OSBPL3: variants seen among roughly 807,000 people sequenced by gnomAD.
The protein encoded by OSBPL3 is oxysterol binding protein like 3.
In OSBPL3, 65 loss-of-function variants were observed where a neutral mutation model predicts 120.1. The ratio of observed to expected loss-of-function variants is 0.54; its 90% CI spans 0.44 to 0.67. The LOEUF (loss-of-function observed/expected upper bound fraction) is 0.67. Ranked by LOEUF, OSBPL3 falls within the 30% of genes least tolerant of loss-of-function variation. OSBPL3 has a pLI of 0.00. For synonymous variants in OSBPL3, 416 were observed against 402.6 expected, an observed-to-expected ratio of 1.03 and a Z score of -0.40; for missense variants, 1,004 against 1,082.1, an observed-to-expected ratio of 0.93 and a Z score of 1.01.
intron 2 of OSBPL3, among the ~76,000 whole-genome samples, chr7:24,878,827 C>G (rs1041642629): frequency 6.6e-6 from 1 of 152,184 alleles, no homozygotes; most frequent in African/African-American, 2.4e-5. Flanking sequence ...GTTAAAAATG[C>G]AGATTTAAGT....
At chr7:24,902,185 T>C (rs1807122770) in intron 1 of OSBPL3, among the ~76,000 whole-genome samples, 1 of 152,230 alleles carries the variant, frequency 6.6e-6, no homozygotes, top group African/African-American at 2.4e-5. Flanking sequence ...TTGCTATAAG[T>C]TAGGTAGTGT....
At chr7:24,973,573 A>G (rs1260250660) in intron 1 of OSBPL3, among the ~76,000 whole-genome samples, 3 of 152,258 alleles carry the variant, frequency 2.0e-5, no homozygotes, top group Non-Finnish European at 2.9e-5. Flanking sequence ...TGAAGGAAAT[A>G]TATCACCAAC....
chr7:24,806,979 C>T lies in OSBPL3; in HGVS notation c.2318-77G>A. ...ATTTTAATTCCTTCACCTTTTTCGT[C>T]TCAGCCTAGCTACAATTTTTCTCTC... On this transcript the variant is annotated intron_variant, in intron 20 of 22. Transcript: ENST00000313367. The surrounding 1 kb of genome is among the most constrained non-coding windows in gnomAD (Gnocchi z 5.2). 2.3e-6 allele frequency: 3 copies of T among 1,320,382 alleles called. No individual in the cohort carries two copies. The highest frequency in any genetic ancestry group is 3.1e-6 in the Non-Finnish European group (3 of 966,938). The allele number at this position is 1,320,382 out of a possible 1,614,324, so 81.8% of individuals were successfully genotyped here. A position where few individuals can be genotyped will look rare whatever the true frequency, so the allele number is the denominator to read the frequency against.
In OSBPL3 at chr7:24,865,393, G is replaced by A. The variant is rs1488793281; in HGVS notation, c.622C>T (p.Arg208Ter). Reference protein sequence around the residue: ...NVSFSCGGETRVPLWLQSSED... With the variant: ...NVSFSCGGET ...GAAGACTGTAACCATAATGGAACTC[G>A]TGTCTCACCACCACAAGAAAATGAT... The change falls in exon 7 of 23, where the codon CGA becomes TGA. Residue 208 changes from arginine (R) to a stop codon, truncating the protein, a stop_gained. Transcript: ENST00000313367. LOFTEE classifies it high-confidence loss of function. 10 of 1,613,284 alleles carry A rather than the reference G, an allele frequency of 6.2e-6. No homozygotes were observed. Among genetic ancestry groups the A allele is most frequent in the South Asian group, 1.1e-5 (1 of 91,056 alleles).
intron 12 of OSBPL3, among the ~76,000 whole-genome samples, chr7:24,847,814 T>C (rs17150284): frequency 0.04 from 6,082 of 152,250 alleles, 333 homozygotes; most frequent in African/African-American, 0.12. Flanking sequence ...TTTTAGCCAA[T>C]GTGCAGACTC....
intron 2 of OSBPL3, among the ~76,000 whole-genome samples, chr7:24,887,397 A>G (rs1804686799): frequency 6.6e-6 from 1 of 152,242 alleles, no homozygotes; most frequent in African/African-American, 2.4e-5. Flanking sequence ...TTTTGAAACA[A>G]GGTCATGTGA....
chr7:24,807,745 A>G (rs879195761), intron 20 of OSBPL3, among the ~76,000 whole-genome samples: 4 of 152,102 alleles, frequency 2.6e-5, no homozygotes, highest in Non-Finnish European at 5.9e-5. Flanking sequence ...TCTTTAAAAC[A>G]TTAGGTGCAT....
intron 12 of OSBPL3, among the ~76,000 whole-genome samples, chr7:24,846,911 A>C (rs1798512801): frequency 1.3e-5 from 2 of 152,188 alleles, no homozygotes; most frequent in African/African-American, 4.8e-5. Context: ...AAAAATACAA[A>C]AATTAGCTGG....
In OSBPL3 at chr7:24,922,800, G is replaced by T. The variant is rs456; in HGVS notation, c.-149-30179C>A. 1.3e-5 allele frequency among the ~76,000 whole-genome samples: 2 copies of T among 151,360 alleles called. No individual in the cohort carries two copies. Among genetic ancestry groups the T allele is most frequent in the African/African-American group, 4.9e-5 (2 of 41,150 alleles). On this transcript the variant is annotated intron_variant, in intron 1 of 22. Coordinates refer to ENST00000313367, the MANE Select transcript of OSBPL3 (RefSeq NM_015550.4). This position sits in a 1 kb window ranked among gnomAD's most constrained non-coding sequence, Gnocchi z 4.3. ...AGGATCTCTGTCCAACCCTGTCCCT[G>T]CTGCCCTCACCCTCTTGGTGAAAGT...
At chr7:24,978,170 C>G (rs1817793167) in intron 1 of OSBPL3, among the ~76,000 whole-genome samples, 1 of 152,212 alleles carries the variant, frequency 6.6e-6, no homozygotes, top group African/African-American at 2.4e-5. Flanking sequence ...AAATACCTAG[C>G]TAACAGACTT....
At chr7:24,949,768 G>A (rs1037309219) in intron 1 of OSBPL3, among the ~76,000 whole-genome samples, 2 of 152,094 alleles carry the variant, frequency 1.3e-5, no homozygotes, top group African/African-American at 4.8e-5. Flanking sequence ...GGGGTACAGG[G>A]ATGGCTGTGT....
At chr7:24,934,396 A>G (rs187046049) in intron 1 of OSBPL3, among the ~76,000 whole-genome samples, 74 of 152,338 alleles carry the variant, frequency 4.9e-4, no homozygotes, top group Non-Finnish European at 1.0e-3. Context: ...CAGTGTCAAC[A>G]ACACAAAACA....
intron 12 of OSBPL3, among the ~76,000 whole-genome samples, chr7:24,842,870 C>G (rs1436283475): frequency 6.6e-6 from 1 of 152,234 alleles, no homozygotes; most frequent in African/African-American, 2.4e-5. Context: ...CAATATGCTG[C>G]TTTTGAGGTG....
chr7:24,902,372 A>C (rs1304789766), intron 1 of OSBPL3, among the ~76,000 whole-genome samples: 1 of 152,196 alleles, frequency 6.6e-6, no homozygotes, highest in Non-Finnish European at 1.5e-5. Flanking sequence ...TCTTTCTGCA[A>C]CTGGCTTATT....
Position 24,803,074 on chromosome 7 carries a change from T to C in OSBPL3, c.2567+1241A>G, listed in dbSNP as rs1792573242. ...TCATATTCTTCAAGACAAAACCTTA[T>C]TTGTCACTATTTTGATGTTTTGGAA... On this transcript the variant is annotated intron_variant, in intron 22 of 22. Coordinates refer to ENST00000313367, the MANE Select transcript of OSBPL3 (RefSeq NM_015550.4). This position sits in a 1 kb window ranked among gnomAD's most constrained non-coding sequence, Gnocchi z 4.2. 6.6e-6 allele frequency among the ~76,000 whole-genome samples: 1 copy of C among 152,198 alleles called. No homozygotes were observed. Among genetic ancestry groups the C allele is most frequent in the African/African-American group, 2.4e-5 (1 of 41,456 alleles).
chr7:24,846,013 A>G (rs1798401938), intron 12 of OSBPL3, among the ~76,000 whole-genome samples: 1 of 152,204 alleles, frequency 6.6e-6, no homozygotes, highest in South Asian at 2.1e-4. Flanking sequence ...ATAATAATGT[A>G]ATAAATTTCT....
At chr7:24,941,334 T>C (rs1195542965) in intron 1 of OSBPL3, among the ~76,000 whole-genome samples, 4 of 152,204 alleles carry the variant, frequency 2.6e-5, no homozygotes, top group African/African-American at 4.8e-5. Context: ...ATGAATCCAA[T>C]GCATCTAGGA....
intron 1 of OSBPL3, among the ~76,000 whole-genome samples, chr7:24,919,973 G>A (rs905969030): frequency 4.6e-5 from 7 of 151,934 alleles, no homozygotes; most frequent in African/African-American, 1.7e-4. Context: ...CCACTAAAAT[G>A]TTTATATAAA....
In OSBPL3 at chr7:24,842,412, T is replaced by C; in HGVS notation, c.1268A>G (p.Glu423Gly). The C allele has an allele frequency of 6.3e-7, 1 of 1,590,730 alleles. No homozygotes were observed. Among genetic ancestry groups the C allele is most frequent in the Non-Finnish European group, 8.5e-7 (1 of 1,173,678 alleles). Residue 423 changes from glutamate to glycine, a missense_variant and splice_region_variant, in exon 13 of 23, where the codon GAA (glutamate) becomes GGA (glycine). Around this residue, in one of 4 missense-constraint regions of OSBPL3, gnomAD observed 272 missense variants for 248.8 expected, o/e 1.09. Coordinates refer to ENST00000313367, the MANE Select transcript of OSBPL3 (RefSeq NM_015550.4). ...VAKSGDNLAE[E>G]NSRDENRALV... is the part of the protein sequence containing the mutation. Reference sequence around the variant, plus strand: ...AGCTCGGTTTTCATCTCTGGAGTTTTCCTATTTGAAGAACAAAACCAAAAA... The same window carrying C: ...AGCTCGGTTTTCATCTCTGGAGTTTCCCTATTTGAAGAACAAAACCAAAAA...
Sources: gnomAD v4.1 joint callset for allele counts (sites outside exome capture counted in the v4.1 genomes callset) on GRCh38, gnomAD v4.1.1 for gene constraint, gnomAD v4.1.1 regional missense constraint, Gnocchi (gnomAD v3.1) non-coding constraint, MANE v1.5 for transcripts, NCBI Gene and HGNC (gene_info 2026-07-23, HGNC 2026-07-21) for gene names.